Variants in SLC15A1 observed in about 807,000 individuals in gnomAD.
SLC15A1 encodes the protein solute carrier family 15 member 1.
In SLC15A1, 83 loss-of-function variants were observed where a neutral mutation model predicts 92.9. The ratio of observed to expected loss-of-function variants is 0.89; its 90% CI spans 0.75 to 1.07. The LOEUF is 1.07. SLC15A1 is among the 50% of genes least tolerant of loss of function. The probability of loss-of-function intolerance (pLI) is 0.00; values close to 1 mark genes in which losing one functional copy is unlikely to be tolerated. For synonymous variants in SLC15A1, 322 were observed against 318.2 expected (o/e 1.01, Z -0.13); for missense variants, 857 against 880.1 (o/e 0.97, Z 0.33).
At chr13:98,730,886 C>G (rs2088345560) in intron 1 of SLC15A1, among the ~76,000 whole-genome samples, 1 of 152,216 alleles carries the variant, frequency 6.6e-6, no homozygotes, top group South Asian at 2.1e-4. Context: ...ATCCATGTCC[C>G]GGGTCTCGAC....
intron 21 of SLC15A1, 39 bp downstream of exon 21, chr13:98,687,542 G>T: frequency 6.2e-7 from 1 of 1,605,200 alleles, no homozygotes; most frequent in Non-Finnish European, 8.5e-7. Flanking sequence ...TGCAGGCAGG[G>T]GTATTGCAGA....
intron 18 of SLC15A1, among the ~76,000 whole-genome samples, chr13:98,693,895 T>A (rs992610343): frequency 2.1e-4 from 32 of 152,252 alleles, no homozygotes; most frequent in Admixed American, 9.2e-4. Context: ...CCCTTTGTTC[T>A]CAGATAGCTG....
intron 22 of SLC15A1, among the ~76,000 whole-genome samples, chr13:98,685,980 G>A (rs1261247183): frequency 6.5e-5 from 9 of 139,210 alleles, no homozygotes; most frequent in Non-Finnish European, 9.0e-5. Flanking sequence ...GTGAGACTCC[G>A]TCTCAAAAAA....
At chr13:98,687,796 T>A in intron 20 of SLC15A1, 72 bp from the exon 21 acceptor site, 1 of 1,552,918 alleles carries the variant, frequency 6.4e-7, no homozygotes, top group East Asian at 2.3e-5. Context: ...ACAGGTAAAT[T>A]GAGTTTGACC....
chr13:98,685,808 AAACAC>A (rs2087924247), intron 22 of SLC15A1, among the ~76,000 whole-genome samples: 1 of 152,136 alleles, frequency 6.6e-6, no homozygotes, highest in African/African-American at 2.4e-5. Context: ...CAACATGGTG[AAACAC>A]TGTCTCTACT....
At chr13:98,748,471 T>A (rs1220078613) in intron 1 of SLC15A1, among the ~76,000 whole-genome samples, 3 of 152,140 alleles carry the variant, frequency 2.0e-5, no homozygotes, top group African/African-American at 7.2e-5. Context: ...TTTTGTATTT[T>A]TTTTGTGGAG....
At chr13:98,731,315 T>C (rs777224359) in intron 1 of SLC15A1, among the ~76,000 whole-genome samples, 12 of 152,134 alleles carry the variant, frequency 7.9e-5, no homozygotes, top group Non-Finnish European at 1.6e-4. Flanking sequence ...GTCCGGCGAA[T>C]AGGAAGGGCT....
intron 1 of SLC15A1, among the ~76,000 whole-genome samples, chr13:98,749,719 C>A (rs12427740): frequency 0.18 from 28,057 of 152,132 alleles, 2,629 homozygotes; most frequent in Middle Eastern, 0.32. Flanking sequence ...GGCTAGGATC[C>A]CCAAACTATG....
intron 18 of SLC15A1, among the ~76,000 whole-genome samples, chr13:98,696,018 G>A (rs1471189622): frequency 6.6e-6 from 1 of 151,436 alleles, no homozygotes; most frequent in Non-Finnish European, 1.5e-5. Context: ...AAGGAAAAAA[G>A]CTTCCAGTTC....
At chr13:98,721,966 T>G in intron 5 of SLC15A1, 63 bp from the exon 6 acceptor site, 1 of 1,379,246 alleles carries the variant, frequency 7.3e-7, no homozygotes, top group Admixed American at 1.8e-5. Flanking sequence ...GCCTCTCTTT[T>G]CCCCAGTTTC....
intron 18 of SLC15A1, among the ~76,000 whole-genome samples, chr13:98,696,431 C>CA (rs199564472): frequency 0.025 from 3,779 of 149,166 alleles, 80 homozygotes; most frequent in East Asian, 0.093. Flanking sequence ...ACAACAACAA[C>CA]AAAAAAAAAC....
intron 22 of SLC15A1, among the ~76,000 whole-genome samples, chr13:98,685,553 C>T (rs781529891): frequency 3.8e-4 from 58 of 152,220 alleles, no homozygotes; most frequent in Non-Finnish European, 8.8e-5. Context: ...TAACATGTGT[C>T]TGCTTTGCAG....
At chr13:98,693,543 C>G (rs940536289) in intron 18 of SLC15A1, among the ~76,000 whole-genome samples, 4 of 152,174 alleles carry the variant, frequency 2.6e-5, no homozygotes, top group Non-Finnish European at 4.4e-5. Context: ...TATTTAAATA[C>G]TGTGCCCATT....
chr13:98,684,453 G>T lies in SLC15A1; in HGVS notation c.*271C>A, dbSNP rs527502783. The T allele has an allele frequency of 9.7e-5, 25 of 258,496 alleles. No individual in the cohort carries two copies. The highest frequency in any genetic ancestry group is 5.7e-4 in the African/African-American group (25 of 43,568). 16.0% of individuals were successfully genotyped at this position (258,496 alleles called of 1,614,324 possible). A position where few individuals can be genotyped will look rare whatever the true frequency, so the allele number is the denominator to read the frequency against. On this transcript the variant is annotated 3_prime_UTR_variant, in exon 23 of 23. Coordinates refer to ENST00000376503, the MANE Select transcript of SLC15A1 (RefSeq NM_005073.4). ...CCAGCCACTCGGGAGGCTGAGGCAG[G>T]AGAATTACTTGAACCTGGGAGGCGG...
At chr13:98,695,919 TCTC>T (rs2088017253) in intron 18 of SLC15A1, among the ~76,000 whole-genome samples, 1 of 152,122 alleles carries the variant, frequency 6.6e-6, no homozygotes, top group African/African-American at 2.4e-5. Context: ...TTCTAGAACT[TCTC>T]CTTTTTTGTG....
intron 18 of SLC15A1, among the ~76,000 whole-genome samples, chr13:98,693,278 A>C: frequency 6.6e-6 from 1 of 151,534 alleles, no homozygotes; most frequent in East Asian, 1.9e-4. Context: ...TTGTATTTTT[A>C]GTAGAGATGG....
intron 8 of SLC15A1, among the ~76,000 whole-genome samples, chr13:98,718,547 T>A (rs1251090445): frequency 1.3e-5 from 2 of 152,018 alleles, no homozygotes; most frequent in Admixed American, 1.3e-4. Flanking sequence ...CTAGGTGTTG[T>A]GTCTCATGCC....
intron 1 of SLC15A1, among the ~76,000 whole-genome samples, chr13:98,727,693 C>A (rs1030973412): frequency 1.3e-5 from 2 of 152,148 alleles, no homozygotes; most frequent in African/African-American, 4.8e-5. Flanking sequence ...CTGAGCTGTG[C>A]CCTTGTCTCT....
At chr13:98,735,868 T>C (rs1477615588) in intron 1 of SLC15A1, among the ~76,000 whole-genome samples, 1 of 152,178 alleles carries the variant, frequency 6.6e-6, no homozygotes, top group Non-Finnish European at 1.5e-5. Flanking sequence ...AAGAACATTC[T>C]ATGCTCATGC....
Sources: allele counts gnomAD v4.1 joint callset (sites outside exome capture counted in the v4.1 genomes callset), GRCh38; gene constraint gnomAD v4.1.1; transcripts MANE v1.5; gene names NCBI Gene and HGNC (gene_info 2026-07-23, HGNC 2026-07-21).